ACSS1: variants seen among roughly 807,000 people sequenced by gnomAD.
ACSS1 encodes acetyl-coenzyme A synthetase 2-like, mitochondrial.
Under a neutral mutation model 75.3 loss-of-function variants are expected in ACSS1, and 42 were observed. The ratio of observed to expected loss-of-function variants is 0.56; its 90% CI spans 0.44 to 0.72. The LOEUF (loss-of-function observed/expected upper bound fraction) is 0.72. Ranked by LOEUF, ACSS1 falls within the 30% of genes least tolerant of loss-of-function variation. The pLI, the probability that ACSS1 is intolerant of heterozygous loss-of-function variation, is 0.00. For synonymous variants in ACSS1, 380 were observed against 376.8 expected, an observed-to-expected ratio of 1.01 and a Z score of -0.10; for missense variants, 782 against 935.7, an observed-to-expected ratio of 0.84 and a Z score of 2.14.
Position 25,009,385 on chromosome 20 carries a change from G to A in ACSS1, c.1775C>T (p.Ala592Val). ...GYPHDIKGEAAFAFIVVKDSA... is the reference protein window; with the variant it reads ...GYPHDIKGEAVFAFIVVKDSA... The stretch of plus-strand genomic sequence containing the variant: ...ATCTTTCACCACAATGAAGGCAAAG[G>A]CAGCTGAAAATAAAGCCAAGTTTGG... The change falls in exon 13 of 14, where the codon GCC (alanine) becomes GTC (valine). Residue 592 changes from alanine to valine, a missense_variant. Physicochemically the swap from Ala to Val is moderately conservative, Grantham distance 64. This residue lies in a region of ACSS1 where 405 missense variants were observed against 552.6 expected (regional missense o/e 0.73). Transcript: ENST00000323482. The A allele has an allele frequency of 6.2e-7, 1 of 1,613,726 alleles. No individual in the cohort carries two copies. Among genetic ancestry groups the A allele is most frequent in the Non-Finnish European group, 8.5e-7 (1 of 1,179,662 alleles).
chr20:25,014,071 T>A lies in ACSS1; in HGVS notation c.1342A>T (p.Thr448Ser). The change falls in exon 9 of 14, where the codon ACA becomes TCA. Residue 448 changes from threonine to serine, a missense_variant and splice_region_variant. Transcript: ENST00000323482. ...CGTGGTGCGATGCAGATGCCACCTGTTTCTGCAGGTATGACAAGAAAGAAA... is the reference window on the plus strand; with the variant it reads ...CGTGGTGCGATGCAGATGCCACCTGATTCTGCAGGTATGACAAGAAAGAAA... ...TLVDTWWQTETGGICIAPRPS... is the reference protein window; with the variant it reads ...TLVDTWWQTESGGICIAPRPS... 6.2e-7 allele frequency: 1 copy of A among 1,604,732 alleles called. No homozygotes were observed. Among genetic ancestry groups the A allele is most frequent in the Non-Finnish European group, 8.5e-7 (1 of 1,175,720 alleles).
intron 10 of ACSS1, 132 bp downstream of exon 10, chr20:25,013,404 T>C: frequency 8.1e-7 from 1 of 1,240,146 alleles, no homozygotes; most frequent in South Asian, 1.7e-5. Context: ...GGAGTCAAAC[T>C]CTGGCCTCGC....
intron 2 of ACSS1, among the ~76,000 whole-genome samples, chr20:25,034,978 CG>C (rs1790006016): frequency 6.6e-6 from 1 of 152,014 alleles, no homozygotes; most frequent in Non-Finnish European, 1.5e-5. Flanking sequence ...CTGCAAGCTC[CG>C]CCCCCTGGGT....
chr20:25,041,907 A>G (rs990205805), intron 2 of ACSS1, among the ~76,000 whole-genome samples: 1 of 152,164 alleles, frequency 6.6e-6, no homozygotes, highest in Admixed American at 6.5e-5. Context: ...GGTCACCTGC[A>G]TGAGGAGGAA....
At chr20:25,055,311 C>A (rs555098928) in intron 1 of ACSS1, among the ~76,000 whole-genome samples, 1 of 152,214 alleles carries the variant, frequency 6.6e-6, no homozygotes, top group African/African-American at 2.4e-5. Flanking sequence ...CAGTTACATA[C>A]GGCCCTTGTT....
intron 3 of ACSS1, among the ~76,000 whole-genome samples, chr20:25,027,528 G>C (rs6138471): frequency 2.0e-5 from 3 of 151,916 alleles, no homozygotes; most frequent in Non-Finnish European, 4.4e-5. Flanking sequence ...CTACAATGAA[G>C]GAAAAAACAC....
rs1377960164 is a variant in ACSS1 at position 25,019,942 on chromosome 20, G to A, written c.1246+68C>T. On this transcript the variant is annotated intron_variant, in intron 7 of 13. Transcript: ENST00000323482. ...GCAGCTTCATGACTGAAGTCCTGCT[G>A]AAGCCCGTATTGGCTCTGAGGGTCT... 4 of 1,600,654 alleles carry A rather than the reference G, an allele frequency of 2.5e-6. No homozygotes were observed. The African/African-American group carries it at 5.4e-5, about 21-fold the overall frequency.
chr20:25,007,352 T>A lies in ACSS1; in HGVS notation c.*410A>T. 9.3e-7 allele frequency: 1 copy of A among 1,076,738 alleles called. No individual in the cohort carries two copies. The highest frequency in any genetic ancestry group is 1.1e-6 in the Non-Finnish European group (1 of 887,616). 66.7% of individuals were successfully genotyped at this position (1,076,738 alleles called of 1,614,324 possible). A position where few individuals can be genotyped will look rare whatever the true frequency, so the allele number is the denominator to read the frequency against. On this transcript the variant is annotated 3_prime_UTR_variant, in exon 14 of 14. Transcript: ENST00000323482. ...CAATATAAAAGTATAAAAATAAGATTTCTGACCTTTGTATCTAGACAGATC... is the reference window on the plus strand; with the variant it reads ...CAATATAAAAGTATAAAAATAAGATATCTGACCTTTGTATCTAGACAGATC...
In ACSS1 at chr20:25,007,603, G is replaced by A. The variant is rs1213338646; in HGVS notation, c.*159C>T. The A allele has an allele frequency of 6.8e-7, 1 of 1,472,900 alleles. No homozygotes were observed. The highest frequency in any genetic ancestry group is 1.4e-5 in the African/African-American group (1 of 70,948). The allele number at this position is 1,472,900 out of a possible 1,614,324, so 91.2% of individuals were successfully genotyped here. ...GGGACCTCCAATGGATGGGAGAAAG[G>A]GCTCTCAGCCCAGCTTCACGTGAGG... On this transcript the variant is annotated 3_prime_UTR_variant, in exon 14 of 14. Transcript: ENST00000323482.
At chr20:25,030,692 G>A (rs905412865) in intron 3 of ACSS1, 67 bp downstream of exon 3, 7 of 1,569,596 alleles carry the variant, frequency 4.5e-6, no homozygotes, top group Non-Finnish European at 6.1e-6. Context: ...TACACTGATG[G>A]CCAGGCCCCC....
At chr20:25,048,874 G>A (rs924030006) in intron 1 of ACSS1, among the ~76,000 whole-genome samples, 1 of 152,180 alleles carries the variant, frequency 6.6e-6, no homozygotes, top group Non-Finnish European at 1.5e-5. Context: ...GCAGCACGGG[G>A]CCCCTCCGCT....
At chr20:25,034,571 A>C (rs1324696196) in intron 2 of ACSS1, among the ~76,000 whole-genome samples, 18 of 150,926 alleles carry the variant, frequency 1.2e-4, no homozygotes, top group African/African-American at 4.4e-4. Context: ...TTCTATATTT[A>C]ACCTTTTTTT....
intron 2 of ACSS1, among the ~76,000 whole-genome samples, chr20:25,034,877 A>C (rs995198280): frequency 1.3e-5 from 2 of 149,636 alleles, no homozygotes; most frequent in African/African-American, 5.0e-5. Context: ...GGCCGACCAT[A>C]TGGATTTTTT....
At chr20:25,018,888 A>C (rs567814902) in intron 7 of ACSS1, among the ~76,000 whole-genome samples, 1 of 152,306 alleles carries the variant, frequency 6.6e-6, no homozygotes, top group African/African-American at 2.4e-5. Flanking sequence ...TGAACATTAT[A>C]CTAAGGCTCA....
Position 25,007,319 on chromosome 20 carries a change from T to G in ACSS1, c.*443A>C. The G allele has an allele frequency of 9.3e-7, 1 of 1,079,414 alleles. No individual in the cohort carries two copies. 66.9% of individuals were successfully genotyped at this position (1,079,414 alleles called of 1,614,324 possible). On this transcript the variant is annotated 3_prime_UTR_variant, in exon 14 of 14. Transcript: ENST00000323482. ...CACTACATGTGAGTGTTGCATGCTG[T>G]TCTTCCACAATATAAAAGTATAAAA...
At chr20:25,027,158 T>C (rs1205043904) in intron 3 of ACSS1, among the ~76,000 whole-genome samples, 1 of 152,222 alleles carries the variant, frequency 6.6e-6, no homozygotes, top group Non-Finnish European at 1.5e-5. Context: ...AGTTTACCCA[T>C]CTTCTTCCCT....
At chr20:25,055,420 G>A (rs147546863) in intron 1 of ACSS1, among the ~76,000 whole-genome samples, 37 of 152,246 alleles carry the variant, frequency 2.4e-4, no homozygotes, top group Middle Eastern at 6.8e-3. Context: ...ACTGTGTTGC[G>A]CCATCCACAG....
At chr20:25,032,654 G>T in intron 2 of ACSS1, 1 of 1,220,016 alleles carries the variant, frequency 8.2e-7, no homozygotes, top group Non-Finnish European at 1.0e-6. Flanking sequence ...AAGGCCGCTC[G>T]CAGCGTGTTT....
Position 25,030,797 on chromosome 20 carries a change from C to T in ACSS1, c.593G>A (p.Gly198Asp). Residue 198 changes from glycine to aspartate, a missense_variant, in exon 3 of 14, where the codon GGC (glycine) becomes GAC (aspartate). Around this residue, in one of 2 missense-constraint regions of ACSS1, gnomAD observed 377 missense variants for 383.1 expected, o/e 0.98. Coordinates refer to ENST00000323482, the MANE Select transcript of ACSS1 (RefSeq NM_032501.4). ...IGAVHTVIFA[G>D]FSAESLAGRI... ...CCCAGCCAAGGACTCTGCACTGAAG[C>T]CAGCAAAGATGACTGTGTGGACAGC... 6.2e-7 allele frequency: 1 copy of T among 1,614,256 alleles called. No homozygotes were observed. Among genetic ancestry groups the T allele is most frequent in the Non-Finnish European group, 8.5e-7 (1 of 1,180,050 alleles).
Sources: allele counts gnomAD v4.1 joint callset (sites outside exome capture counted in the v4.1 genomes callset), GRCh38; gene constraint gnomAD v4.1.1; regional missense constraint gnomAD v4.1.1; transcripts MANE v1.5; gene names NCBI Gene and HGNC (gene_info 2026-07-23, HGNC 2026-07-21).